Variants in SRRM4 observed in about 807,000 individuals in gnomAD.
The protein encoded by SRRM4 is serine/arginine repetitive matrix 4.
SRRM4 carries 33 observed loss-of-function variants against 68.9 expected under a neutral mutation model. The ratio of observed to expected loss-of-function variants is 0.48; its 90% CI spans 0.36 to 0.64. The LOEUF is 0.64. SRRM4 is among the 30% of genes least tolerant of loss of function. The pLI is 0.00. For missense variants in SRRM4, 817 were observed against 827.1 expected (o/e 0.99, Z 0.15); for synonymous variants, 318 against 318.8 (o/e 1.00, Z 0.03).
chr12:119,056,008 G>A (rs1336903427), intron 1 of SRRM4, among the ~76,000 whole-genome samples: 1 of 152,176 alleles, frequency 6.6e-6, no homozygotes, highest in Non-Finnish European at 1.5e-5. Flanking sequence ...CAATTGCAGG[G>A]TCTCTGGGCC....
rs187742174 is a variant in SRRM4, at chr12:119,084,716, C to T, written c.132-17520C>T. On this transcript the variant is annotated intron_variant, in intron 1 of 12. Transcript: ENST00000267260. Reference sequence around the variant, plus strand: ...GCTATGCCTCAAAATTCTCATAGTCCGGTGGGGCAAAATAGAGAATTGCAA... The same window carrying T: ...GCTATGCCTCAAAATTCTCATAGTCTGGTGGGGCAAAATAGAGAATTGCAA... Among the ~76,000 whole-genome samples the T allele has an allele frequency of 1.6e-3, 244 of 151,724 alleles. 1 individual carries two copies. The highest frequency in any genetic ancestry group is 6.8e-3 in the Middle Eastern group (2 of 294).
At chr12:119,073,278 C>T (rs1008218644) in intron 1 of SRRM4, among the ~76,000 whole-genome samples, 1 of 149,670 alleles carries the variant, frequency 6.7e-6, no homozygotes, top group Non-Finnish European at 1.5e-5. Context: ...AGTGACATAA[C>T]TTCTTGGAGT....
intron 1 of SRRM4, among the ~76,000 whole-genome samples, chr12:119,072,914 G>A (rs898593613): frequency 1.3e-5 from 2 of 152,158 alleles, no homozygotes; most frequent in South Asian, 2.1e-4. Context: ...AGGTCACACA[G>A]TCTGTCAAAG....
chr12:119,114,067 C>T (rs564106211), intron 2 of SRRM4: 6 of 426,902 alleles, frequency 1.4e-5, no homozygotes, highest in South Asian at 4.5e-5. Context: ...GTTTGGGTAA[C>T]GTACAACGTC....
At chr12:119,010,388 C>T (rs1953441898) in intron 1 of SRRM4, among the ~76,000 whole-genome samples, 1 of 152,136 alleles carries the variant, frequency 6.6e-6, no homozygotes, top group Non-Finnish European at 1.5e-5. Flanking sequence ...CATTGCGAAC[C>T]CCACATATAT....
At chr12:119,155,765 A>T (rs1053861290) in intron 12 of SRRM4, among the ~76,000 whole-genome samples, 2 of 152,202 alleles carry the variant, frequency 1.3e-5, no homozygotes, top group Admixed American at 6.5e-5. Context: ...AATATAATAC[A>T]ATATAATTCC....
chr12:119,129,903 GGATGGATGGATGGATGGTTA>G (rs1164347791), intron 7 of SRRM4, among the ~76,000 whole-genome samples: 7 of 150,316 alleles, frequency 4.7e-5, no homozygotes, highest in Non-Finnish European at 1.0e-4. Flanking sequence ...ATGGATGGAT[GGATGGATGGATGGATGGTTA>G]GATGGTTAGT....
intron 1 of SRRM4, among the ~76,000 whole-genome samples, chr12:119,036,374 G>T (rs533944669): frequency 6.6e-6 from 1 of 152,262 alleles, no homozygotes; most frequent in African/African-American, 2.4e-5. Flanking sequence ...TCTTCCATTT[G>T]CTTCCAGGCC....
At chr12:119,150,783 T>G (rs957067707) in intron 9 of SRRM4, among the ~76,000 whole-genome samples, 18 of 152,218 alleles carry the variant, frequency 1.2e-4, no homozygotes, top group African/African-American at 4.3e-4. Context: ...CAGCGGTATG[T>G]GTTTCACACT....
chr12:118,991,409 G>C (rs1953316021), intron 1 of SRRM4, among the ~76,000 whole-genome samples: 1 of 152,154 alleles, frequency 6.6e-6, no homozygotes, highest in South Asian at 2.1e-4. Context: ...TGCAGACTAA[G>C]TCATACCCCT....
chr12:119,158,967 T>TTGTGTGTGTGTGTGTGTG lies in SRRM4; in HGVS notation c.*2203_*2220dup, dbSNP rs57550768. On this transcript the variant is annotated 3_prime_UTR_variant, in exon 13 of 13. Coordinates refer to ENST00000267260, the MANE Select transcript of SRRM4 (RefSeq NM_194286.4). ...TGAATTATTTATTTATACAGAGGTT[T>TTGTGTGTGTGTGTGTGTG]TGTGTGTGTGTGTGTGTGTGTGTGT... 1 of 137,124 alleles carries TTGTGTGTGTGTGTGTGTG rather than the reference T, an allele frequency of 7.3e-6. No homozygotes were observed. Among genetic ancestry groups the TTGTGTGTGTGTGTGTGTG allele is most frequent in the South Asian group, 2.5e-4 (1 of 4,022 alleles). The allele number at this position is 137,124 out of a possible 1,614,324, so 8.5% of individuals were successfully genotyped here.
intron 1 of SRRM4, among the ~76,000 whole-genome samples, chr12:119,037,201 G>C (rs1289186249): frequency 6.6e-6 from 1 of 152,168 alleles, no homozygotes. Flanking sequence ...GGGTTTGGGG[G>C]ATAGGGAGTC....
intron 1 of SRRM4, among the ~76,000 whole-genome samples, chr12:119,073,574 CT>C (rs942862290): frequency 1.2e-4 from 19 of 152,236 alleles, no homozygotes; most frequent in Admixed American, 6.5e-4. Flanking sequence ...ATCTACCCAC[CT>C]CGGCTTCCCA....
At chr12:118,989,419 A>G (rs1290010036) in intron 1 of SRRM4, among the ~76,000 whole-genome samples, 1 of 152,116 alleles carries the variant, frequency 6.6e-6, no homozygotes, top group Non-Finnish European at 1.5e-5. Flanking sequence ...TCTCATATTC[A>G]TGCATGCAAA....
intron 2 of SRRM4, among the ~76,000 whole-genome samples, chr12:119,109,407 G>C (rs1202067602): frequency 6.6e-6 from 1 of 152,226 alleles, no homozygotes; most frequent in Non-Finnish European, 1.5e-5. Context: ...ATATCCTGAA[G>C]AGTGTTTTCC....
chr12:119,157,620 G>A lies in SRRM4; in HGVS notation c.*822G>A, dbSNP rs1355948560. 2.6e-5 allele frequency: 4 copies of A among 152,568 alleles called. No individual in the cohort carries two copies. The highest frequency in any genetic ancestry group is 5.9e-5 in the Non-Finnish European group (4 of 68,350). The allele number at this position is 152,568 out of a possible 1,614,324, so 9.5% of individuals were successfully genotyped here. A position where few individuals can be genotyped will look rare whatever the true frequency, so the allele number is the denominator to read the frequency against. ...AGAAAGGAGATAGTGGAAGAGTCAG[G>A]ACAGGTTGGTCTCCAGCCCCACTTC... On this transcript the variant is annotated 3_prime_UTR_variant, in exon 13 of 13. Coordinates refer to ENST00000267260, the MANE Select transcript of SRRM4 (RefSeq NM_194286.4). The surrounding 1 kb of genome is among the most constrained non-coding windows in gnomAD (Gnocchi z 4.1).
chr12:119,105,219 T>C lies in SRRM4; in HGVS notation c.278+2837T>C, dbSNP rs533364783. Among the ~76,000 whole-genome samples, 33 of 152,226 alleles carry C rather than the reference T, an allele frequency of 2.2e-4. No individual in the cohort carries two copies. The East Asian group carries it at 6.2e-3, about 29-fold the overall frequency. On this transcript the variant is annotated intron_variant, in intron 2 of 12. Coordinates refer to ENST00000267260, the MANE Select transcript of SRRM4 (RefSeq NM_194286.4). ...CACACTTTCCTAATCCAGTCTATCA[T>C]TGATGGACATTTGGGTTGGTTCCAA...
Position 119,008,590 on chromosome 12 carries a change from T to C in SRRM4, c.131+26577T>C, listed in dbSNP as rs114424914. ...TAGTAGCCCCAGTCCTTGGCAAGTC[T>C]CCTCACCATGCCTCAGTTTACCCAT... On this transcript the variant is annotated intron_variant, in intron 1 of 12. Coordinates refer to ENST00000267260, the MANE Select transcript of SRRM4 (RefSeq NM_194286.4). 9.8e-3 allele frequency among the ~76,000 whole-genome samples: 1,496 copies of C among 152,110 alleles called. 26 individuals carry two copies. Among genetic ancestry groups the C allele is most frequent in the African/African-American group, 0.032 (1,336 of 41,426 alleles).
At chr12:119,032,240 G>A (rs371839445) in intron 1 of SRRM4, among the ~76,000 whole-genome samples, 1 of 152,076 alleles carries the variant, frequency 6.6e-6, no homozygotes, top group East Asian at 1.9e-4. Flanking sequence ...AGGGAAGGAT[G>A]GTGTGTGGAA....
Sources: gnomAD v4.1 joint callset for allele counts (sites outside exome capture counted in the v4.1 genomes callset) on GRCh38, gnomAD v4.1.1 for gene constraint, Gnocchi (gnomAD v3.1) non-coding constraint, MANE v1.5 for transcripts, NCBI Gene and HGNC (gene_info 2026-07-23, HGNC 2026-07-21) for gene names.